The following SOX5 variants were observed in gnomAD, a reference collection of about 807,000 sequenced individuals.
SOX5 encodes the protein transcription factor SOX-5.
SOX5 carries 9 observed loss-of-function variants against 92.0 expected under a neutral mutation model. That is an observed-to-expected ratio of 0.10 (90% CI 0.06 to 0.17). SOX5 has a LOEUF of 0.17. Ranked by LOEUF, SOX5 falls within the 10% of genes least tolerant of loss-of-function variation. The pLI, the probability that SOX5 is intolerant of heterozygous loss-of-function variation, is 1.00. For synonymous variants in SOX5, 344 were observed against 336.3 expected, an observed-to-expected ratio of 1.02 and a Z score of -0.25; for missense variants, 642 against 944.5, an observed-to-expected ratio of 0.68 and a Z score of 4.20.
chr12:24,376,159 T>C (rs546461164), intron 1 of SOX5, among the ~76,000 whole-genome samples: 8 of 152,382 alleles, frequency 5.2e-5, no homozygotes, highest in African/African-American at 1.7e-4. Flanking sequence ...GCAACTTGCC[T>C]AATTTAAACT....
chr12:23,802,398 C>T (rs1363723367), intron 3 of SOX5, among the ~76,000 whole-genome samples: 1 of 152,040 alleles, frequency 6.6e-6, no homozygotes, highest in Non-Finnish European at 1.5e-5. Flanking sequence ...ATTTTTAAAT[C>T]ACATGAGACC....
At chr12:24,096,170 AG>A (rs1274616462) in intron 4 of SOX5, among the ~76,000 whole-genome samples, 1 of 152,180 alleles carries the variant, frequency 6.6e-6, no homozygotes, top group African/African-American at 2.4e-5. Flanking sequence ...CAGAACATGC[AG>A]GTTTGTTATA....
At chr12:24,398,761 T>G (rs775749415) in intron 1 of SOX5, among the ~76,000 whole-genome samples, 8 of 152,226 alleles carry the variant, frequency 5.3e-5, no homozygotes, top group Non-Finnish European at 7.3e-5. Context: ...CTGCTATTAT[T>G]GCACATCTAA....
chr12:23,845,137 C>T (rs2096560493), intron 3 of SOX5, among the ~76,000 whole-genome samples: 1 of 152,220 alleles, frequency 6.6e-6, no homozygotes, highest in Non-Finnish European at 1.5e-5. Context: ...CTTATTGTTA[C>T]ACGGTATACA....
rs4130466 is a variant in SOX5 at position 24,495,823 on chromosome 12, C to T, written c.-251+66506G>A. On this transcript the variant is annotated intron_variant, in intron 1 of 4. Transcript: ENST00000446891. ...CACAAGGATGGGGGAGGGTGTGGTA[C>T]GCAAGGAATGCAGATCTCCATCTAG... Among the ~76,000 whole-genome samples the T allele has an allele frequency of 7.6e-3, 1,154 of 152,162 alleles. 15 individuals are homozygous for T. Among genetic ancestry groups the T allele is most frequent in the African/African-American group, 0.027 (1,104 of 41,524 alleles).
intron 1 of SOX5, among the ~76,000 whole-genome samples, chr12:24,561,757 A>T (rs1280297432): frequency 1.3e-5 from 2 of 150,474 alleles, no homozygotes; most frequent in African/African-American, 2.5e-5. Flanking sequence ...GAAGGATTGC[A>T]GAAAGCGAAA....
Position 23,969,360 on chromosome 12 carries a change from G to A in SOX5, c.-1-73336C>T, listed in dbSNP as rs575955471. Among the ~76,000 whole-genome samples the A allele has an allele frequency of 4.6e-5, 7 of 151,414 alleles. No homozygotes were observed. The South Asian group carries it at 6.3e-4, about 14-fold the overall frequency. Reference sequence around the variant, plus strand: ...CCACACTGTACCGAGACCAATGTTCGTCAGACAAAAATCTGATCACGCCAT... The same window carrying A: ...CCACACTGTACCGAGACCAATGTTCATCAGACAAAAATCTGATCACGCCAT... On this transcript the variant is annotated intron_variant, in intron 4 of 4. Coordinates refer to the SOX5 transcript ENST00000446891.
intron 2 of SOX5, among the ~76,000 whole-genome samples, chr12:24,345,184 A>T (rs2141108450): frequency 6.6e-6 from 1 of 152,340 alleles, no homozygotes; most frequent in South Asian, 2.1e-4. Context: ...GGAAAACAAA[A>T]TTAAATAAAT....
At chr12:23,694,184 C>G (rs1238117343) in intron 6 of SOX5, among the ~76,000 whole-genome samples, 1 of 152,042 alleles carries the variant, frequency 6.6e-6, no homozygotes, top group Non-Finnish European at 1.5e-5. Context: ...AAGATCATGT[C>G]CTTTGGTATT....
Position 24,208,914 on chromosome 12 carries a change from A to G in SOX5, c.-2+4429T>C, listed in dbSNP as rs1594278248. ...CTAAAAAATACCTTTTGGATTTAGC[A>G]TGATAACGGTTATTGATGATCTTAG... is the stretch of plus-strand genomic sequence containing the variant. On this transcript the variant is annotated intron_variant, in intron 4 of 4. Transcript: ENST00000446891. Among the ~76,000 whole-genome samples, 6 of 152,330 alleles carry G rather than the reference A, an allele frequency of 3.9e-5. No homozygotes were observed. The South Asian group carries it at 1.2e-3, about 32-fold the overall frequency.
intron 1 of SOX5, among the ~76,000 whole-genome samples, chr12:24,552,027 T>C (rs1953232941): frequency 6.6e-6 from 1 of 152,178 alleles, no homozygotes; most frequent in Non-Finnish European, 1.5e-5. Flanking sequence ...GTCTGGCCTG[T>C]TAAAAAGTTA....
chr12:23,591,596 T>C (rs1345104720), intron 9 of SOX5, among the ~76,000 whole-genome samples: 1 of 152,136 alleles, frequency 6.6e-6, no homozygotes, highest in African/African-American at 2.4e-5. Context: ...TCATCATTTT[T>C]TAGAGAAACG....
intron 2 of SOX5, among the ~76,000 whole-genome samples, chr12:23,849,231 T>C (rs1256889948): frequency 6.6e-6 from 1 of 152,216 alleles, no homozygotes; most frequent in Non-Finnish European, 1.5e-5. Flanking sequence ...AAACATGTTA[T>C]TATGCTTACT....
At chr12:24,073,030 A>C (rs965189999) in intron 4 of SOX5, among the ~76,000 whole-genome samples, 9 of 152,220 alleles carry the variant, frequency 5.9e-5, no homozygotes, top group Non-Finnish European at 1.2e-4. Flanking sequence ...AAAATGTAAA[A>C]TATATTTGCA....
intron 1 of SOX5, among the ~76,000 whole-genome samples, chr12:24,560,971 A>G (rs1183407326): frequency 6.6e-6 from 1 of 152,212 alleles, no homozygotes; most frequent in Non-Finnish European, 1.5e-5. Flanking sequence ...ATCACTGTCC[A>G]GTCCCTTTGC....
chr12:24,161,662 A>T (rs147900916), intron 4 of SOX5, among the ~76,000 whole-genome samples: 1 of 152,214 alleles, frequency 6.6e-6, no homozygotes, highest in African/African-American at 2.4e-5. Flanking sequence ...AGTGACTACT[A>T]ATAACATTTT....
chr12:24,362,223 C>A (rs117745368), intron 2 of SOX5, among the ~76,000 whole-genome samples: 1 of 152,158 alleles, frequency 6.6e-6, no homozygotes, highest in Non-Finnish European at 1.5e-5. Context: ...ATTAAAAGTA[C>A]GTTACAGAAG....
At chr12:23,796,035 G>C (rs2095556052) in intron 3 of SOX5, among the ~76,000 whole-genome samples, 1 of 152,082 alleles carries the variant, frequency 6.6e-6, no homozygotes, top group Non-Finnish European at 1.5e-5. Context: ...ACATAAAGGG[G>C]AGTCTAGAAA....
At chr12:23,789,899 G>C (rs2095441116) in intron 3 of SOX5, among the ~76,000 whole-genome samples, 1 of 152,090 alleles carries the variant, frequency 6.6e-6, no homozygotes. Context: ...CAACAAATCT[G>C]TGCCTCAGGA....
Sources: gnomAD v4.1 joint callset for allele counts (sites outside exome capture counted in the v4.1 genomes callset) on GRCh38, gnomAD v4.1.1 for gene constraint, MANE v1.5 for transcripts, NCBI Gene and HGNC (gene_info 2026-07-23, HGNC 2026-07-21) for gene names.